BMPR1B: variants seen among roughly 807,000 people sequenced by gnomAD.
BMPR1B encodes the protein bone morphogenetic protein receptor type 1B.
Under a neutral mutation model 59.1 loss-of-function variants are expected in BMPR1B, and 12 were observed. The ratio of observed to expected loss-of-function variants is 0.20; its 90% CI spans 0.13 to 0.33. BMPR1B has a LOEUF of 0.33. Among genes scored for constraint, BMPR1B ranks in the 10% least tolerant of loss-of-function variants. The pLI, the probability that BMPR1B is intolerant of heterozygous loss-of-function variation, is 1.00. For missense variants in BMPR1B, 550 were observed against 610.9 expected, an observed-to-expected ratio of 0.90 and a Z score of 1.05; for synonymous variants, 237 against 207.3, an observed-to-expected ratio of 1.14 and a Z score of -1.23.
intron 3 of BMPR1B, among the ~76,000 whole-genome samples, chr4:95,058,526 T>TA (rs1196837895): frequency 6.6e-6 from 1 of 152,172 alleles, no homozygotes; most frequent in Non-Finnish European, 1.5e-5. Context: ...ACTGATGAGA[T>TA]AACAGCCAGG....
At chr4:94,837,336 TA>T (rs1043545995) in intron 1 of BMPR1B, among the ~76,000 whole-genome samples, 1 of 147,676 alleles carries the variant, frequency 6.8e-6, no homozygotes, top group African/African-American at 2.5e-5. Context: ...ACTGAATCTG[TA>T]AATTACCTTG....
intron 3 of BMPR1B, among the ~76,000 whole-genome samples, chr4:95,040,618 C>A (rs932158132): frequency 8.5e-5 from 13 of 152,142 alleles, no homozygotes; most frequent in African/African-American, 3.1e-4. Flanking sequence ...GAGCTTCTGG[C>A]AAGTCAGGTT....
At chr4:94,978,949 T>TACACACACACAC (rs10649707) in intron 2 of BMPR1B, among the ~76,000 whole-genome samples, 24 of 147,808 alleles carry the variant, frequency 1.6e-4, no homozygotes, top group African/African-American at 5.7e-4. Flanking sequence ...CACACATACA[T>TACACACACACAC]ACACACACAC....
chr4:94,759,867 T>G (rs1361231350), intron 1 of BMPR1B, among the ~76,000 whole-genome samples: 2 of 152,212 alleles, frequency 1.3e-5, no homozygotes, highest in Non-Finnish European at 2.9e-5. Context: ...GTGATGTCTT[T>G]TTATGGGAAA....
At chr4:95,111,176 A>G (rs1731607856) in intron 4 of BMPR1B, among the ~76,000 whole-genome samples, 1 of 152,120 alleles carries the variant, frequency 6.6e-6, no homozygotes, top group Non-Finnish European at 1.5e-5. Flanking sequence ...TCATATAAAT[A>G]TAATGCTTTC....
chr4:95,107,257 G>A (rs1268541092), intron 4 of BMPR1B, among the ~76,000 whole-genome samples: 2 of 152,022 alleles, frequency 1.3e-5, no homozygotes, highest in Admixed American at 6.6e-5. Flanking sequence ...ACTTAGAGAG[G>A]TAGTAAGGTC....
intron 3 of BMPR1B, among the ~76,000 whole-genome samples, chr4:95,032,568 C>G (rs552462868): frequency 7.5e-4 from 114 of 152,294 alleles, no homozygotes; most frequent in African/African-American, 2.4e-3. Context: ...ATTCTACTTT[C>G]TGTCTCTATG....
chr4:95,116,483 A>T (rs1356563242), intron 6 of BMPR1B, among the ~76,000 whole-genome samples: 1 of 146,312 alleles, frequency 6.8e-6, no homozygotes, highest in East Asian at 2.1e-4. Context: ...GTTGTTGCAG[A>T]GTTTTAAGTC....
intron 1 of BMPR1B, among the ~76,000 whole-genome samples, chr4:94,759,279 T>C (rs1721665044): frequency 1.3e-5 from 2 of 152,154 alleles, no homozygotes; most frequent in Admixed American, 1.3e-4. Flanking sequence ...AAGAGAGCCG[T>C]TTCACTACCT....
At chr4:94,847,322 G>T (rs1392609050) in intron 1 of BMPR1B, among the ~76,000 whole-genome samples, 1 of 152,170 alleles carries the variant, frequency 6.6e-6, no homozygotes, top group Non-Finnish European at 1.5e-5. Flanking sequence ...GGGAATCCTT[G>T]TACACTGTTC....
intron 1 of BMPR1B, among the ~76,000 whole-genome samples, chr4:94,803,449 G>A (rs554816183): frequency 1.3e-5 from 2 of 152,264 alleles, no homozygotes; most frequent in East Asian, 1.9e-4. Context: ...ATGGAGCTCC[G>A]GTGAGTAGGG....
intron 1 of BMPR1B, among the ~76,000 whole-genome samples, chr4:94,862,055 C>T (rs1447240232): frequency 2.0e-5 from 3 of 150,776 alleles, no homozygotes; most frequent in Non-Finnish European, 4.5e-5. Context: ...CTATATGCCA[C>T]ACAGTACCTG....
chr4:94,792,432 C>T (rs373393946), intron 1 of BMPR1B, among the ~76,000 whole-genome samples: 38 of 152,162 alleles, frequency 2.5e-4, no homozygotes, highest in African/African-American at 7.5e-4. Flanking sequence ...TCTTCTCCTT[C>T]TATTCCCTTT....
At chr4:95,113,408 G>A (rs1731771963) in intron 4 of BMPR1B, among the ~76,000 whole-genome samples, 1 of 152,122 alleles carries the variant, frequency 6.6e-6, no homozygotes, top group Non-Finnish European at 1.5e-5. Context: ...AATTCTGAGG[G>A]TGTTGATAAT....
intron 3 of BMPR1B, among the ~76,000 whole-genome samples, chr4:95,023,852 A>G (rs1436538632): frequency 6.6e-6 from 1 of 152,212 alleles, no homozygotes; most frequent in African/African-American, 2.4e-5. Context: ...GATTTTGTAC[A>G]GTATCTTATA....
chr4:94,840,739 G>T (rs1385478245), intron 1 of BMPR1B, among the ~76,000 whole-genome samples: 1 of 147,854 alleles, frequency 6.8e-6, no homozygotes, highest in Non-Finnish European at 1.5e-5. Context: ...TAATTTGATC[G>T]TCTGAAGCCT....
At chr4:95,146,442 CA>C (rs1734651726) in intron 10 of BMPR1B, among the ~76,000 whole-genome samples, 1 of 152,192 alleles carries the variant, frequency 6.6e-6, no homozygotes, top group African/African-American at 2.4e-5. Flanking sequence ...CTACATCACA[CA>C]TTCCATTATC....
chr4:94,986,176 A>G (rs1304596748), intron 2 of BMPR1B, among the ~76,000 whole-genome samples: 1 of 152,212 alleles, frequency 6.6e-6, no homozygotes, highest in Non-Finnish European at 1.5e-5. Flanking sequence ...TTGACATGCT[A>G]TTTGTTAACA....
intron 1 of BMPR1B, among the ~76,000 whole-genome samples, chr4:94,758,711 T>C (rs1004162186): frequency 4.6e-5 from 7 of 151,820 alleles, no homozygotes; most frequent in Admixed American, 2.6e-4. Context: ...TCTCTCTCTC[T>C]ATGCCTCTCT....
Sources: allele counts gnomAD v4.1 joint callset (sites outside exome capture counted in the v4.1 genomes callset), GRCh38; gene constraint gnomAD v4.1.1; transcripts MANE v1.5; gene names NCBI Gene and HGNC (gene_info 2026-07-23, HGNC 2026-07-21).